Variants in UVRAG observed in about 807,000 individuals in gnomAD.
UVRAG encodes the protein UV radiation resistance-associated gene protein.
A neutral mutation model predicts 78.0 loss-of-function variants in UVRAG; 19 were observed. The ratio of observed to expected loss-of-function variants is 0.24; its 90% CI spans 0.17 to 0.36. The LOEUF is 0.36. Ranked by LOEUF, UVRAG falls within the 10% of genes least tolerant of loss-of-function variation. UVRAG has a pLI of 1.00. For missense variants in UVRAG, 740 were observed against 853.8 expected (o/e 0.87, Z 1.66); for synonymous variants, 323 against 324.6 (o/e 1.00, Z 0.05).
intron 6 of UVRAG, among the ~76,000 whole-genome samples, chr11:75,940,262 C>T (rs1053318114): frequency 9.9e-5 from 15 of 152,150 alleles, no homozygotes; most frequent in Admixed American, 2.0e-4. Flanking sequence ...ATATTTAAAA[C>T]GAGAGCATTG....
At chr11:75,901,046 A>G (rs534421321) in intron 5 of UVRAG, among the ~76,000 whole-genome samples, 1 of 152,284 alleles carries the variant, frequency 6.6e-6, no homozygotes, top group East Asian at 1.9e-4. Context: ...AGGGGTGTCT[A>G]AGGCTTGATG....
chr11:76,117,469 C>T (rs772271639), intron 14 of UVRAG, among the ~76,000 whole-genome samples: 1 of 151,988 alleles, frequency 6.6e-6, no homozygotes, highest in East Asian at 1.9e-4. Flanking sequence ...GGCTAGCCAT[C>T]GATTAGTATG....
intron 14 of UVRAG, among the ~76,000 whole-genome samples, chr11:76,127,038 C>T (rs751567948): frequency 6.6e-6 from 1 of 152,192 alleles, no homozygotes. Context: ...CCCTTCTTCA[C>T]TGTAATATAC....
intron 13 of UVRAG, among the ~76,000 whole-genome samples, chr11:76,106,636 G>A (rs1294695205): frequency 1.3e-5 from 2 of 152,090 alleles, no homozygotes; most frequent in African/African-American, 2.4e-5. Context: ...CCAAAGTGCT[G>A]GGATTACAAG....
At chr11:76,138,874 T>G (rs1156382385) in intron 14 of UVRAG, among the ~76,000 whole-genome samples, 1 of 152,226 alleles carries the variant, frequency 6.6e-6, no homozygotes. Flanking sequence ...GCAAGATGAT[T>G]TAGAGAGGGA....
chr11:75,852,025 C>T, intron 2 of UVRAG, 25 bp downstream of exon 2: 1 of 1,432,768 alleles, frequency 7.0e-7, no homozygotes, highest in Non-Finnish European at 9.6e-7. Flanking sequence ...GGCCTTACTA[C>T]CCACAGATTG....
intron 13 of UVRAG, among the ~76,000 whole-genome samples, chr11:76,101,012 A>G (rs559024636): frequency 6.6e-6 from 1 of 152,274 alleles, no homozygotes; most frequent in African/African-American, 2.4e-5. Context: ...TCTTCCACTG[A>G]TGGACACTTA....
chr11:75,871,126 G>A (rs1462201826), intron 3 of UVRAG, among the ~76,000 whole-genome samples: 3 of 152,010 alleles, frequency 2.0e-5, no homozygotes, highest in Non-Finnish European at 4.4e-5. Flanking sequence ...CGCCCACCTC[G>A]GCCTCCCAAA....
At chr11:76,090,782 CTCAAGATAT>C (rs1451021339) in intron 13 of UVRAG, among the ~76,000 whole-genome samples, 1 of 152,186 alleles carries the variant, frequency 6.6e-6, no homozygotes, top group Non-Finnish European at 1.5e-5. Context: ...CTAATCACCT[CTCAAGATAT>C]TCAGACATGT....
chr11:76,077,740 C>CTT (rs1424525787), intron 13 of UVRAG, among the ~76,000 whole-genome samples: 1 of 152,210 alleles, frequency 6.6e-6, no homozygotes, highest in African/African-American at 2.4e-5. Flanking sequence ...ATATCTGACT[C>CTT]TAAGTTCAGG....
At chr11:75,841,436 A>C (rs1945906666) in intron 1 of UVRAG, among the ~76,000 whole-genome samples, 2 of 152,288 alleles carry the variant, frequency 1.3e-5, no homozygotes, top group South Asian at 4.1e-4. Flanking sequence ...TTACTCCCTG[A>C]TCTACATTAT....
chr11:76,085,148 A>G (rs966224708), intron 13 of UVRAG, among the ~76,000 whole-genome samples: 1 of 151,966 alleles, frequency 6.6e-6, no homozygotes, highest in East Asian at 1.9e-4. Context: ...TTTGTTCAAC[A>G]GATATTTCTT....
intron 2 of UVRAG, among the ~76,000 whole-genome samples, chr11:75,853,112 T>TA (rs775535726): frequency 6.6e-6 from 1 of 152,052 alleles, no homozygotes; most frequent in Non-Finnish European, 1.5e-5. Flanking sequence ...GGGGTCCTAC[T>TA]ATGTTTTTTG....
chr11:76,029,976 ACTCT>A (rs1213676542), intron 12 of UVRAG, among the ~76,000 whole-genome samples: 1 of 152,154 alleles, frequency 6.6e-6, no homozygotes, highest in Non-Finnish European at 1.5e-5. Context: ...AAACATTATG[ACTCT>A]CTGAAGGCTC....
chr11:75,927,809 A>G (rs144095193), intron 6 of UVRAG, among the ~76,000 whole-genome samples: 109 of 152,378 alleles, frequency 7.2e-4, no homozygotes, highest in African/African-American at 2.4e-3. Context: ...TGGTCAGTCT[A>G]GTTTGGGCAT....
intron 3 of UVRAG, among the ~76,000 whole-genome samples, chr11:75,867,348 C>T (rs1565353004): frequency 6.6e-6 from 1 of 152,158 alleles, no homozygotes; most frequent in East Asian, 1.9e-4. Flanking sequence ...ACTTTTAACA[C>T]CATAGGTTAA....
chr11:76,066,726 C>T (rs1591196483), intron 13 of UVRAG, among the ~76,000 whole-genome samples: 1 of 152,184 alleles, frequency 6.6e-6, no homozygotes, highest in Non-Finnish European at 1.5e-5. Context: ...CTGCCTCAGC[C>T]TCCCAAAGTG....
At chr11:75,932,574 G>C (rs1948266695) in intron 6 of UVRAG, among the ~76,000 whole-genome samples, 1 of 152,108 alleles carries the variant, frequency 6.6e-6, no homozygotes, top group Non-Finnish European at 1.5e-5. Flanking sequence ...GTGAACCACT[G>C]TGCCTGGCCC....
At chr11:75,861,805 A>G (rs749809505) in intron 3 of UVRAG, 25 bp downstream of exon 3, 6 of 1,592,882 alleles carry the variant, frequency 3.8e-6, no homozygotes, top group Middle Eastern at 1.7e-4. Flanking sequence ...TGACGGGTAC[A>G]TATGACTAAG....
Sources: gnomAD v4.1 joint callset for allele counts (sites outside exome capture counted in the v4.1 genomes callset) on GRCh38, gnomAD v4.1.1 for gene constraint, MANE v1.5 for transcripts, NCBI Gene and HGNC (gene_info 2026-07-23, HGNC 2026-07-21) for gene names.